Variants in PDZRN4 observed in about 807,000 individuals in gnomAD.
The protein encoded by PDZRN4 is PDZ domain-containing RING finger protein 4.
A neutral mutation model predicts 99.0 loss-of-function variants in PDZRN4; 70 were observed. The observed-to-expected ratio is 0.71, with a 90% confidence interval of 0.58 to 0.86. The LOEUF (loss-of-function observed/expected upper bound fraction) is 0.86. PDZRN4 is among the 40% of genes least tolerant of loss of function. The probability of loss-of-function intolerance (pLI) is 0.00; values close to 1 mark genes in which losing one functional copy is unlikely to be tolerated. For synonymous variants in PDZRN4, 551 were observed against 501.6 expected, an observed-to-expected ratio of 1.10 and a Z score of -1.32; for missense variants, 1,474 against 1,331.2, an observed-to-expected ratio of 1.11 and a Z score of -1.67.
chr12:41,188,633 G>C lies in PDZRN4; in HGVS notation c.178G>C (p.Ala60Pro). 6.5e-7 allele frequency: 1 copy of C among 1,540,462 alleles called. No homozygotes were observed. The highest frequency in any genetic ancestry group is 8.7e-7 in the Non-Finnish European group (1 of 1,150,182). The change falls in exon 1 of 10, where the codon GCG (alanine) becomes CCG (proline). Residue 60 changes from alanine to proline, a missense_variant. Ala to Pro is a conservative substitution (Grantham distance 27, BLOSUM62 -1). Coordinates refer to ENST00000402685, the MANE Select transcript of PDZRN4 (RefSeq NM_001164595.2). ...RRCPLQCQPL[A>P]PGELYRVLPL... The stretch of plus-strand genomic sequence containing the variant: ...GTGCCCGCTGCAGTGCCAGCCCTTG[G>C]CGCCCGGCGAGCTGTACCGGGTGCT...
chr12:41,323,629 A>G (rs1446938799), intron 3 of PDZRN4, among the ~76,000 whole-genome samples: 1 of 152,014 alleles, frequency 6.6e-6, no homozygotes, highest in African/African-American at 2.4e-5. Flanking sequence ...TTTGAAATAT[A>G]TGCTTTAAAA....
chr12:41,405,308 A>G (rs1355827677), intron 3 of PDZRN4, among the ~76,000 whole-genome samples: 1 of 152,192 alleles, frequency 6.6e-6, no homozygotes, highest in Non-Finnish European at 1.5e-5. Context: ...ACACTTCTCA[A>G]AAGAAGACAT....
chr12:41,343,638 G>C (rs961190031), intron 3 of PDZRN4, among the ~76,000 whole-genome samples: 1 of 151,942 alleles, frequency 6.6e-6, no homozygotes, highest in South Asian at 2.1e-4. Context: ...GTTGCAATTA[G>C]ATAGGAGGAA....
intron 3 of PDZRN4, among the ~76,000 whole-genome samples, chr12:41,392,392 A>G (rs10785262): frequency 0.44 from 66,412 of 151,940 alleles, 14,459 homozygotes; most frequent in South Asian, 0.5. Flanking sequence ...TTTCTATTCT[A>G]TAATATATAT....
At chr12:41,406,099 C>A (rs560274528) in intron 3 of PDZRN4, among the ~76,000 whole-genome samples, 1 of 151,788 alleles carries the variant, frequency 6.6e-6, no homozygotes, top group South Asian at 2.1e-4. Flanking sequence ...TAAAAAAAAC[C>A]AAAATATTTC....
intron 3 of PDZRN4, among the ~76,000 whole-genome samples, chr12:41,472,411 C>T (rs1054900575): frequency 6.6e-6 from 1 of 152,152 alleles, no homozygotes; most frequent in Non-Finnish European, 1.5e-5. Context: ...TATAGATATA[C>T]ATTTTTGTTA....
intron 3 of PDZRN4, among the ~76,000 whole-genome samples, chr12:41,505,752 A>G (rs1938195666): frequency 6.6e-6 from 1 of 151,804 alleles, no homozygotes; most frequent in African/African-American, 2.4e-5. Context: ...ACAAGTGAGT[A>G]TCTAGAGGGA....
chr12:41,376,775 T>C (rs183201689), intron 3 of PDZRN4, among the ~76,000 whole-genome samples: 113 of 152,312 alleles, frequency 7.4e-4, no homozygotes, highest in Non-Finnish European at 1.5e-3. Context: ...TTTGTGCTTT[T>C]AGTTTCATCT....
rs187749448 is a variant in PDZRN4, at chr12:41,471,329, G to A, written c.844-35127G>A. Among the ~76,000 whole-genome samples, 12 of 152,210 alleles carry A rather than the reference G, an allele frequency of 7.9e-5. No individual in the cohort carries two copies. The East Asian group carries it at 2.3e-3, about 29-fold the overall frequency. ...TTGCTATTTATTGTCACATATAACAGGTGAAGTCAAGGAGAAATGTGAAAT... is the reference window on the plus strand; with the variant it reads ...TTGCTATTTATTGTCACATATAACAAGTGAAGTCAAGGAGAAATGTGAAAT... On this transcript the variant is annotated intron_variant, in intron 3 of 9. Coordinates refer to ENST00000402685, the MANE Select transcript of PDZRN4 (RefSeq NM_001164595.2).
chr12:41,245,067 T>C (rs933952513), intron 3 of PDZRN4, among the ~76,000 whole-genome samples: 10 of 152,086 alleles, frequency 6.6e-5, no homozygotes, highest in African/African-American at 1.2e-4. Flanking sequence ...TCCTCAATTA[T>C]CCCATATAAG....
chr12:41,218,950 G>A (rs1950937639), intron 3 of PDZRN4, among the ~76,000 whole-genome samples: 1 of 149,308 alleles, frequency 6.7e-6, no homozygotes, highest in Non-Finnish European at 1.5e-5. Flanking sequence ...CTAGATGTAG[G>A]AATATTATTT....
At chr12:41,360,610 T>C (rs1951957130) in intron 3 of PDZRN4, among the ~76,000 whole-genome samples, 1 of 151,998 alleles carries the variant, frequency 6.6e-6, no homozygotes, top group African/African-American at 2.4e-5. Context: ...GCATAGTGAG[T>C]TATATGGCTT....
At chr12:41,276,552 T>C (rs1951351134) in intron 3 of PDZRN4, among the ~76,000 whole-genome samples, 1 of 152,180 alleles carries the variant, frequency 6.6e-6, no homozygotes, top group African/African-American at 2.4e-5. Context: ...TCATATTTCA[T>C]ATGTGTCATA....
At chr12:41,352,893 G>A (rs188187342) in intron 3 of PDZRN4, among the ~76,000 whole-genome samples, 21 of 152,200 alleles carry the variant, frequency 1.4e-4, no homozygotes, top group Admixed American at 1.3e-3. Flanking sequence ...CTAACAGTGT[G>A]ACAATATAAA....
chr12:41,193,118 T>C (rs1950746174), intron 2 of PDZRN4, among the ~76,000 whole-genome samples: 1 of 152,244 alleles, frequency 6.6e-6, no homozygotes, highest in South Asian at 2.1e-4. Context: ...TAGCAACTAA[T>C]GACTGCTGTG....
intron 3 of PDZRN4, among the ~76,000 whole-genome samples, chr12:41,384,745 T>C (rs2121107725): frequency 6.6e-6 from 1 of 152,260 alleles, no homozygotes; most frequent in East Asian, 1.9e-4. Flanking sequence ...ACTGGAATCA[T>C]GCATCTCCTA....
chr12:41,528,768 G>C (rs889740699), intron 5 of PDZRN4, among the ~76,000 whole-genome samples: 2 of 152,170 alleles, frequency 1.3e-5, no homozygotes, highest in Non-Finnish European at 2.9e-5. Flanking sequence ...GCACACAGCA[G>C]TAAATTGTAA....
At chr12:41,511,737 CAT>C (rs2120688356) in intron 5 of PDZRN4, among the ~76,000 whole-genome samples, 1 of 152,276 alleles carries the variant, frequency 6.6e-6, no homozygotes, top group South Asian at 2.1e-4. Context: ...GTGACACACA[CAT>C]AGAGTGGCAC....
At chr12:41,343,296 CCA>C (rs1951829945) in intron 3 of PDZRN4, among the ~76,000 whole-genome samples, 1 of 151,934 alleles carries the variant, frequency 6.6e-6, no homozygotes, top group African/African-American at 2.4e-5. Context: ...AGTAATATCT[CCA>C]GTTTCATTTT....
Sources: gnomAD v4.1 joint callset for allele counts (sites outside exome capture counted in the v4.1 genomes callset) on GRCh38, gnomAD v4.1.1 for gene constraint, MANE v1.5 for transcripts, NCBI Gene and HGNC (gene_info 2026-07-23, HGNC 2026-07-21) for gene names.